The following PCLO variants were observed in gnomAD, a reference collection of about 807,000 sequenced individuals.
PCLO encodes the protein protein piccolo.
PCLO carries 82 observed loss-of-function variants against 427.5 expected under a neutral mutation model. The ratio of observed to expected loss-of-function variants is 0.19; its 90% CI spans 0.16 to 0.23. The LOEUF (loss-of-function observed/expected upper bound fraction) is 0.23. Ranked by LOEUF, PCLO falls within the 10% of genes least tolerant of loss-of-function variation. The pLI is 1.00. For missense variants in PCLO, 6,239 were observed against 6,115.9 expected (o/e 1.02, Z -0.67); for synonymous variants, 2,357 against 2,155.4 (o/e 1.09, Z -2.59).
At chr7:82,774,798 G>A (rs958121564) in intron 22 of PCLO, among the ~76,000 whole-genome samples, 1 of 152,026 alleles carries the variant, frequency 6.6e-6, no homozygotes. Flanking sequence ...CATTCTTGTT[G>A]TACATTCCAG....
intron 3 of PCLO, among the ~76,000 whole-genome samples, chr7:83,112,246 T>C (rs534234119): frequency 9.9e-5 from 15 of 152,104 alleles, no homozygotes; most frequent in African/African-American, 2.6e-4. Flanking sequence ...TTAGTAGAGA[T>C]AGGGTTTCTC....
intron 3 of PCLO, among the ~76,000 whole-genome samples, chr7:83,037,989 T>TTATATATATATATATATATATATA (rs1161030427): frequency 3.7e-4 from 5 of 13,594 alleles, no homozygotes; most frequent in Non-Finnish European, 3.7e-4. Context: ...AAGGAGGAGC[T>TTATATATATATATATATATATATA]TATATATATA....
At chr7:82,851,205 C>T (rs1029660437) in intron 10 of PCLO, among the ~76,000 whole-genome samples, 2 of 151,604 alleles carry the variant, frequency 1.3e-5, no homozygotes, top group African/African-American at 4.8e-5. Context: ...CCTAAAAATT[C>T]TTTGTGGGTA....
chr7:82,783,623 A>G (rs1790922946), intron 22 of PCLO, among the ~76,000 whole-genome samples: 1 of 152,206 alleles, frequency 6.6e-6, no homozygotes, highest in South Asian at 2.1e-4. Flanking sequence ...CTCGGTCTCA[A>G]AACCAACCAA....
At chr7:82,958,050 T>C (rs71557152) in intron 4 of PCLO, among the ~76,000 whole-genome samples, 64 of 152,332 alleles carry the variant, frequency 4.2e-4, no homozygotes, top group South Asian at 1.9e-3. Flanking sequence ...TTAGTTGTCC[T>C]GTTTAAAGGA....
At chr7:83,024,953 T>A (rs565999827) in intron 3 of PCLO, among the ~76,000 whole-genome samples, 1 of 152,198 alleles carries the variant, frequency 6.6e-6, no homozygotes, top group Admixed American at 6.5e-5. Flanking sequence ...AACCCATCTG[T>A]ACATCACCAT....
intron 22 of PCLO, among the ~76,000 whole-genome samples, chr7:82,795,342 A>G (rs979411508): frequency 8.7e-4 from 132 of 152,260 alleles, no homozygotes; most frequent in African/African-American, 3.0e-3. Flanking sequence ...TGTTGTTTTG[A>G]ATACAGAAAT....
At chr7:82,975,600 G>C (rs1007203712) in intron 3 of PCLO, among the ~76,000 whole-genome samples, 1 of 152,182 alleles carries the variant, frequency 6.6e-6, no homozygotes, top group African/African-American at 2.4e-5. Flanking sequence ...TATCGATTCT[G>C]CAGGGTGTAA....
chr7:83,044,321 A>G (rs948359370), intron 3 of PCLO, among the ~76,000 whole-genome samples: 2 of 152,162 alleles, frequency 1.3e-5, no homozygotes, highest in African/African-American at 4.8e-5. Flanking sequence ...GAGCCAAACC[A>G]TATCATCCAT....
intron 3 of PCLO, among the ~76,000 whole-genome samples, chr7:83,010,981 G>A (rs1204759606): frequency 6.6e-6 from 1 of 151,778 alleles, no homozygotes; most frequent in African/African-American, 2.4e-5. Context: ...TCTTACCTCT[G>A]GCATAATTTC....
At position 83,156,356 on chromosome 7, in the gene PCLO, T is replaced by C; in HGVS notation, c.285A>G (p.Gln95=). The change falls in exon 2 of 25, where the codon CAA becomes CAG. Residue 95 remains glutamine, a synonymous_variant. Coordinates refer to ENST00000333891, the MANE Select transcript of PCLO (RefSeq NM_033026.6). ...GCCCAGGGTCCGGGGGTCTTCCTGA[T>C]TGCTTTGGAGGATGACTACTATCCA... ...QELDSSHPPK[Q]SGRPPDPGRP... 2 of 1,611,918 alleles carry C rather than the reference T, an allele frequency of 1.2e-6. No homozygotes were observed. Among genetic ancestry groups the C allele is most frequent in the East Asian group, 2.2e-5 (1 of 44,790 alleles).
At chr7:82,818,422 T>C (rs945371742) in intron 20 of PCLO, among the ~76,000 whole-genome samples, 2 of 152,162 alleles carry the variant, frequency 1.3e-5, no homozygotes, top group African/African-American at 4.8e-5. Flanking sequence ...GCCTAATGCC[T>C]CACTGGGCTT....
intron 3 of PCLO, among the ~76,000 whole-genome samples, chr7:83,086,058 G>A (rs1227677838): frequency 3.9e-5 from 6 of 152,030 alleles, no homozygotes; most frequent in Admixed American, 3.9e-4. Flanking sequence ...GTGTCAAGGC[G>A]CACTGAATCT....
chr7:83,104,170 G>GAA (rs1379735070), intron 3 of PCLO, among the ~76,000 whole-genome samples: 2 of 113,800 alleles, frequency 1.8e-5, no homozygotes, highest in African/African-American at 6.6e-5. Context: ...GAGTGTTTTA[G>GAA]AAAAATAAAG....
chr7:82,813,717 T>C (rs542292960), intron 20 of PCLO, among the ~76,000 whole-genome samples: 3 of 151,946 alleles, frequency 2.0e-5, no homozygotes, highest in Admixed American at 6.6e-5. Flanking sequence ...CTAAAAATAA[T>C]ATCAGCAAAT....
intron 4 of PCLO, among the ~76,000 whole-genome samples, chr7:82,960,116 CAT>C (rs1795623410): frequency 6.6e-6 from 1 of 152,182 alleles, no homozygotes; most frequent in South Asian, 2.1e-4. Flanking sequence ...TTCTAGATGA[CAT>C]ATAAAACTGT....
intron 22 of PCLO, among the ~76,000 whole-genome samples, chr7:82,787,725 T>C (rs1791013595): frequency 6.6e-6 from 1 of 152,116 alleles, no homozygotes. Flanking sequence ...CAACAGCTCA[T>C]ATTAATTTTA....
intron 3 of PCLO, among the ~76,000 whole-genome samples, chr7:82,990,298 T>C (rs1204695442): frequency 6.6e-6 from 1 of 152,038 alleles, no homozygotes; most frequent in Non-Finnish European, 1.5e-5. Context: ...AACTAAACCA[T>C]AGAAACAGGA....
chr7:82,822,570 G>A lies in PCLO; in HGVS notation c.14716C>T (p.Gln4906Ter), dbSNP rs752195045. The change falls in exon 20 of 25, where the codon CAG becomes TAG. Residue 4906 changes from glutamine to a stop codon, truncating the protein, a stop_gained. Transcript: ENST00000333891. LOFTEE classifies it high-confidence loss of function. ...SRSQSKTSVTQTHLEDAGAAI... is the reference protein window; with the variant it reads ...SRSQSKTSVT ...GCCCCTGCATCTTCCAGGTGGGTCT[G>A]AGTGACGCTGGTTTTGCTTTGACTG... The A allele has an allele frequency of 6.2e-7, 1 of 1,613,942 alleles. No homozygotes were observed. Among genetic ancestry groups the A allele is most frequent in the Non-Finnish European group, 8.5e-7 (1 of 1,179,874 alleles).
Sources: gnomAD v4.1 joint callset for allele counts (sites outside exome capture counted in the v4.1 genomes callset) on GRCh38, gnomAD v4.1.1 for gene constraint, MANE v1.5 for transcripts, NCBI Gene and HGNC (gene_info 2026-07-23, HGNC 2026-07-21) for gene names.